Variants in DDR2 observed in about 807,000 individuals in gnomAD.
The protein encoded by DDR2 is discoidin domain receptor tyrosine kinase 2.
In DDR2, 27 loss-of-function variants were observed where a neutral mutation model predicts 94.9. The ratio of observed to expected loss-of-function variants is 0.28; its 90% CI spans 0.21 to 0.39. The LOEUF is 0.39. Among genes scored for constraint, DDR2 ranks in the 10% least tolerant of loss-of-function variants. The pLI is 1.00. For synonymous variants in DDR2, 382 were observed against 377.2 expected, an observed-to-expected ratio of 1.01 and a Z score of -0.15; for missense variants, 783 against 1,076.0, an observed-to-expected ratio of 0.73 and a Z score of 3.81.
intron 1 of DDR2, among the ~76,000 whole-genome samples, chr1:162,643,865 G>A (rs1442578303): frequency 6.6e-6 from 1 of 152,168 alleles, no homozygotes; most frequent in Non-Finnish European, 1.5e-5. Flanking sequence ...ATTGGGGTTG[G>A]GTACGGTTAG....
At chr1:162,701,822 G>A (rs1246110556) in intron 2 of DDR2, among the ~76,000 whole-genome samples, 1 of 152,184 alleles carries the variant, frequency 6.6e-6, no homozygotes, top group Non-Finnish European at 1.5e-5. Flanking sequence ...CATGACTGGA[G>A]TTCTGTTGTA....
At chr1:162,726,880 A>G (rs1423007477) in intron 3 of DDR2, among the ~76,000 whole-genome samples, 1 of 152,044 alleles carries the variant, frequency 6.6e-6, no homozygotes, top group African/African-American at 2.4e-5. Flanking sequence ...ATATTTGCTT[A>G]TTAATGTTTT....
intron 2 of DDR2, among the ~76,000 whole-genome samples, chr1:162,693,219 G>A (rs1428172160): frequency 2.0e-5 from 3 of 152,116 alleles, no homozygotes; most frequent in Non-Finnish European, 4.4e-5. Flanking sequence ...AGTTGCTGAG[G>A]TTGTTATATT....
chr1:162,718,742 C>T (rs184945007), intron 2 of DDR2, among the ~76,000 whole-genome samples: 75 of 152,254 alleles, frequency 4.9e-4, no homozygotes, highest in African/African-American at 1.8e-3. Context: ...TACCATTATT[C>T]ACCATTTGGG....
intron 2 of DDR2, among the ~76,000 whole-genome samples, chr1:162,709,486 CCT>C (rs749815101): frequency 2.0e-5 from 3 of 152,192 alleles, no homozygotes; most frequent in Non-Finnish European, 4.4e-5. Context: ...ATTTTTATCA[CCT>C]CCAATTGGAG....
At position 162,729,300 on chromosome 1, in the gene DDR2, ATTTTTT is replaced by A. The variant is rs869269032; in HGVS notation, c.82+10170_82+10175del. Reference sequence around the variant, plus strand: ...TCCATTTATATATATATATATATATATTTTTTTTTTTTTTTTTTTTCCTTGGGAGAA... The same window carrying A: ...TCCATTTATATATATATATATATATATTTTTTTTTTTTTTCCTTGGGAGAA... On this transcript the variant is annotated intron_variant, in intron 3 of 17. Coordinates refer to ENST00000367921, the MANE Select transcript of DDR2 (RefSeq NM_006182.4). Among the ~76,000 whole-genome samples the A allele has an allele frequency of 6.8e-4, 64 of 93,932 alleles. 1 individual carries two copies. The highest frequency in any genetic ancestry group is 2.9e-3 in the African/African-American group (55 of 18,916). 61.6% of individuals were successfully genotyped at this position (93,932 alleles called of 152,430 possible).
At position 162,755,676 on chromosome 1, in the gene DDR2, C is replaced by G. The variant is rs889257496; in HGVS notation, c.578C>G (p.Ser193Cys). 1 of 1,614,146 alleles carries G rather than the reference C, an allele frequency of 6.2e-7. No individual in the cohort carries two copies. The highest frequency in any genetic ancestry group is 8.5e-7 in the Non-Finnish European group (1 of 1,180,002). ...YGCVWLDGLV[S>C]YNAPAGQQFV... is the part of the protein sequence containing the mutation. The stretch of plus-strand genomic sequence containing the variant: ...GTTTCCTTTGCAGATGGCTTGGTGT[C>G]TTACAATGCTCCAGCTGGGCAGCAG... Residue 193 changes from serine to cysteine, a missense_variant, in exon 7 of 18, where the codon TCT becomes TGT. Transcript: ENST00000367921.
chr1:162,769,640 G>A (rs1423928101), intron 11 of DDR2, among the ~76,000 whole-genome samples: 2 of 152,174 alleles, frequency 1.3e-5, no homozygotes, highest in African/African-American at 4.8e-5. Flanking sequence ...GCAAATGCTG[G>A]CATTTGCCTT....
chr1:162,768,037 C>T (rs1479984499), intron 11 of DDR2, among the ~76,000 whole-genome samples: 2 of 152,032 alleles, frequency 1.3e-5, no homozygotes, highest in Non-Finnish European at 2.9e-5. Context: ...TTATATACAC[C>T]TCATTGAGTA....
intron 3 of DDR2, among the ~76,000 whole-genome samples, chr1:162,747,122 C>T (rs886088429): frequency 2.6e-5 from 4 of 152,184 alleles, no homozygotes; most frequent in Admixed American, 1.3e-4. Context: ...TCCAAAGGAA[C>T]ACAGCTCCTC....
intron 11 of DDR2, among the ~76,000 whole-genome samples, chr1:162,769,093 G>C (rs556234620): frequency 6.6e-6 from 1 of 152,282 alleles, no homozygotes; most frequent in East Asian, 1.9e-4. Context: ...CTTTATTTGA[G>C]CCACAATTTA....
chr1:162,755,458 C>T (rs1663412603), intron 6 of DDR2, among the ~76,000 whole-genome samples, 155 bp downstream of exon 6: 1 of 152,156 alleles, frequency 6.6e-6, no homozygotes, highest in Admixed American at 6.5e-5. Context: ...CTCATTAACC[C>T]AGGGCTTAGG....
intron 7 of DDR2, among the ~76,000 whole-genome samples, chr1:162,757,481 A>T (rs1322984698): frequency 6.6e-6 from 1 of 152,220 alleles, no homozygotes; most frequent in Non-Finnish European, 1.5e-5. Flanking sequence ...GGCCATATTT[A>T]TGTGGCAAAG....
intron 2 of DDR2, among the ~76,000 whole-genome samples, chr1:162,714,277 T>C (rs770342397): frequency 6.6e-6 from 1 of 152,182 alleles, no homozygotes; most frequent in African/African-American, 2.4e-5. Flanking sequence ...TTTTGAATTT[T>C]GGTGGAAATT....
intron 2 of DDR2, among the ~76,000 whole-genome samples, chr1:162,678,093 C>T (rs1260166229): frequency 2.0e-5 from 3 of 152,128 alleles, no homozygotes; most frequent in Non-Finnish European, 2.9e-5. Context: ...ACAGATCTTT[C>T]AACGTGAAGC....
Position 162,778,558 on chromosome 1 carries a change from ATTCTT to A in DDR2, c.2284-15_2284-11del, listed in dbSNP as rs1397674382. ...TGTGCACAGGTTATTCTGATTTCCCATTCTTTTCTTTACTTAAATAGGGCAAGTTC... is the reference window on the plus strand; with the variant it reads ...TGTGCACAGGTTATTCTGATTTCCCATTCTTTACTTAAATAGGGCAAGTTC... On this transcript the variant is annotated splice_polypyrimidine_tract_variant and intron_variant, in intron 16 of 17. Coordinates refer to ENST00000367921, the MANE Select transcript of DDR2 (RefSeq NM_006182.4). 5.6e-6 allele frequency: 9 copies of A among 1,613,760 alleles called. No homozygotes were observed. The East Asian group carries it at 8.9e-5, about 16-fold the overall frequency.
chr1:162,667,256 A>G (rs1056985033), intron 2 of DDR2, among the ~76,000 whole-genome samples: 3 of 152,160 alleles, frequency 2.0e-5, no homozygotes, highest in Non-Finnish European at 4.4e-5. Flanking sequence ...AAGGCACTTG[A>G]ACACTTATTA....
intron 2 of DDR2, among the ~76,000 whole-genome samples, chr1:162,679,261 T>C (rs1236771063): frequency 1.3e-5 from 2 of 152,166 alleles, no homozygotes; most frequent in Non-Finnish European, 2.9e-5. Context: ...GTGTTTTCCT[T>C]GTTTAGCTCC....
At chr1:162,679,154 A>T (rs1659275997) in intron 2 of DDR2, among the ~76,000 whole-genome samples, 1 of 151,244 alleles carries the variant, frequency 6.6e-6, no homozygotes, top group Non-Finnish European at 1.5e-5. Context: ...TAATAAGCAC[A>T]GTACCCAATA....
Sources: gnomAD v4.1 joint callset for allele counts (sites outside exome capture counted in the v4.1 genomes callset) on GRCh38, gnomAD v4.1.1 for gene constraint, MANE v1.5 for transcripts, NCBI Gene and HGNC (gene_info 2026-07-23, HGNC 2026-07-21) for gene names.